The following DIO1 variants were observed in gnomAD, a reference collection of about 807,000 sequenced individuals.
DIO1 encodes iodothyronine deiodinase 1, also known as type I iodothyronine deiodinase.
Under a neutral mutation model 25.9 loss-of-function variants are expected in DIO1, and 17 were observed. The ratio of observed to expected loss-of-function variants is 0.66; its 90% CI spans 0.45 to 0.98. DIO1 has a LOEUF of 0.98. Among genes scored for constraint, DIO1 ranks in the 50% least tolerant of loss-of-function variants. The probability of loss-of-function intolerance (pLI) is 0.00; values close to 1 mark genes in which losing one functional copy is unlikely to be tolerated. For missense variants in DIO1, 270 were observed against 310.4 expected (o/e 0.87, Z 0.98); for synonymous variants, 115 against 114.0 (o/e 1.01, Z -0.05).
chr1:53,897,643 G>A (rs1237391159), intron 1 of DIO1, among the ~76,000 whole-genome samples: 2 of 152,098 alleles, frequency 1.3e-5, no homozygotes, highest in Non-Finnish European at 2.9e-5. Flanking sequence ...CTTGAACCCA[G>A]GAGTTCAAGA....
At chr1:53,898,500 T>C (rs1317114987) in intron 1 of DIO1, among the ~76,000 whole-genome samples, 2 of 152,038 alleles carry the variant, frequency 1.3e-5, no homozygotes, top group Non-Finnish European at 2.9e-5. Flanking sequence ...ATCCCAGCAC[T>C]TTGGGAGGCC....
intron 3 of DIO1, among the ~76,000 whole-genome samples, chr1:53,908,733 G>C (rs1651787277): frequency 1.3e-5 from 2 of 152,136 alleles, no homozygotes; most frequent in Non-Finnish European, 2.9e-5. Flanking sequence ...AGACCAAGGG[G>C]TTTGGTCTTC....
Position 53,910,679 on chromosome 1 carries a change from T to A in DIO1, c.*680T>A, listed in dbSNP as rs1651904453. Reference sequence around the variant, plus strand: ...CCAGGGAAGAGGAGAGTACTCACTTTACCATCTTTGAATATATTTCATAGA... The same window carrying A: ...CCAGGGAAGAGGAGAGTACTCACTTAACCATCTTTGAATATATTTCATAGA... On this transcript the variant is annotated 3_prime_UTR_variant, in exon 4 of 4. Coordinates refer to ENST00000361921, the MANE Select transcript of DIO1 (RefSeq NM_000792.7). The A allele has an allele frequency of 6.6e-6, 1 of 152,476 alleles. No individual in the cohort carries two copies. Among genetic ancestry groups the A allele is most frequent in the Non-Finnish European group, 1.5e-5 (1 of 68,266 alleles). The allele number at this position is 152,476 out of a possible 1,614,324, so 9.4% of individuals were successfully genotyped here. A position where few individuals can be genotyped will look rare whatever the true frequency, so the allele number is the denominator to read the frequency against.
chr1:53,902,823 G>A (rs1482347378), intron 1 of DIO1, among the ~76,000 whole-genome samples: 1 of 151,954 alleles, frequency 6.6e-6, no homozygotes, highest in Non-Finnish European at 1.5e-5. Flanking sequence ...ATGTTCTGCA[G>A]CAGCTGTCTT....
chr1:53,906,171 A>G lies in DIO1; in HGVS notation c.558A>G (p.Leu186=), dbSNP rs1184961222. 5 of 1,614,192 alleles carry G rather than the reference A, an allele frequency of 3.1e-6. No individual in the cohort carries two copies. The East Asian group carries it at 8.9e-5, about 29-fold the overall frequency. The change falls in exon 3 of 4, where the codon CTA becomes CTG. Residue 186 remains leucine, a synonymous_variant. Transcript: ENST00000361921. The stretch of plus-strand genomic sequence containing the variant: ...AGGATCGCCTGCAGGCAGCCCATCT[A>G]CTGCTGGCCAGGAGCCCCCAGTGCC... ...NLQDRLQAAH[L]LLARSPQCPV... is the part of the protein sequence containing the mutation.
In DIO1 at chr1:53,895,427, T is replaced by A. The variant is rs546571347; in HGVS notation, c.337+880T>A. Among the ~76,000 whole-genome samples, 28 of 152,032 alleles carry A rather than the reference T, an allele frequency of 1.8e-4. 1 individual carries two copies. Among genetic ancestry groups the A allele is most frequent in the African/African-American group, 6.5e-4 (27 of 41,440 alleles). ...AACAGAGTGAGACGCTGTCACAAAT[T>A]TAAAAAAGTCTCAGTTTTCTCTCTC... On this transcript the variant is annotated intron_variant, in intron 1 of 3. Coordinates refer to ENST00000361921, the MANE Select transcript of DIO1 (RefSeq NM_000792.7).
At chr1:53,905,029 G>A (rs1034737480) in intron 2 of DIO1, among the ~76,000 whole-genome samples, 3 of 152,192 alleles carry the variant, frequency 2.0e-5, no homozygotes, top group Non-Finnish European at 4.4e-5. Flanking sequence ...CACCTGGAGT[G>A]ACAGGGTCTG....
intron 2 of DIO1, 59 bp downstream of exon 2, chr1:53,904,868 TC>T (rs1557624584): frequency 1.3e-6 from 2 of 1,547,642 alleles, no homozygotes. Flanking sequence ...CTCTCCCTTT[TC>T]CCCAGGCCCC....
intron 1 of DIO1, among the ~76,000 whole-genome samples, chr1:53,902,136 G>T (rs1186187619): frequency 6.6e-6 from 1 of 151,690 alleles, no homozygotes; most frequent in East Asian, 1.9e-4. Flanking sequence ...CCTCCTTGGG[G>T]ACTCTGTGTG....
chr1:53,900,913 T>G (rs1028923434), intron 1 of DIO1, among the ~76,000 whole-genome samples: 1 of 149,302 alleles, frequency 6.7e-6, no homozygotes, highest in Admixed American at 6.7e-5. Context: ...CTCTTAGGCT[T>G]AATGGACGCT....
Position 53,909,911 on chromosome 1 carries a change from C to G in DIO1, c.682-20C>G. The G allele has an allele frequency of 6.2e-7, 1 of 1,613,652 alleles. No individual in the cohort carries two copies. Among genetic ancestry groups the G allele is most frequent in the Non-Finnish European group, 8.5e-7 (1 of 1,179,564 alleles). The stretch of plus-strand genomic sequence containing the variant: ...GGAAATCCTTACAAGTTGGGAATGC[C>G]TGATTCGTTTCTCTTGCAGGGTAAA... On this transcript the variant is annotated intron_variant, in intron 3 of 3. Transcript: ENST00000361921.
chr1:53,896,833 G>A (rs1303898839), intron 1 of DIO1, among the ~76,000 whole-genome samples: 1 of 152,216 alleles, frequency 6.6e-6, no homozygotes, highest in Non-Finnish European at 1.5e-5. Flanking sequence ...CTTGAAGAAT[G>A]AGTCAGATTT....
chr1:53,902,870 A>T (rs1369866863), intron 1 of DIO1, among the ~76,000 whole-genome samples: 1 of 151,882 alleles, frequency 6.6e-6, no homozygotes, highest in Non-Finnish European at 1.5e-5. Flanking sequence ...AGCACACCAG[A>T]GTTGTAAAGT....
At chr1:53,907,286 A>G (rs754047640) in intron 3 of DIO1, among the ~76,000 whole-genome samples, 2 of 152,148 alleles carry the variant, frequency 1.3e-5, no homozygotes, top group Non-Finnish European at 2.9e-5. Flanking sequence ...CTCTTTAGAC[A>G]CAGTTGGCTT....
chr1:53,904,946 A>T, intron 2 of DIO1, 137 bp downstream of exon 2: 1 of 914,306 alleles, frequency 1.1e-6, no homozygotes, highest in Non-Finnish European at 1.6e-6. Context: ...TTCACTGAGC[A>T]CCCACCACTC....
intron 1 of DIO1, among the ~76,000 whole-genome samples, chr1:53,900,977 G>T: frequency 8.3e-6 from 1 of 119,812 alleles, no homozygotes; most frequent in East Asian, 2.6e-4. Flanking sequence ...ACCAGGGCCA[G>T]CTAACTTTTT....
intron 1 of DIO1, among the ~76,000 whole-genome samples, chr1:53,898,334 G>C (rs1651183200): frequency 6.6e-6 from 1 of 152,174 alleles, no homozygotes; most frequent in African/African-American, 2.4e-5. Context: ...GCATCATCAG[G>C]AACCAGAGCT....
intron 3 of DIO1, 61 bp from the exon 4 acceptor site, chr1:53,909,870 A>G: frequency 6.5e-7 from 1 of 1,541,856 alleles, no homozygotes; most frequent in South Asian, 1.1e-5. Flanking sequence ...CCAGACCTAC[A>G]TGTTCCTTAC....
rs916841667 is a variant in DIO1 at position 53,894,982 on chromosome 1, G to A, written c.337+435G>A. ...TAAACTTTTCTTTATTACACCTGTC[G>A]CGGTTTGTAATTATGTACGGCTGGC... On this transcript the variant is annotated intron_variant, in intron 1 of 3. Coordinates refer to ENST00000361921, the MANE Select transcript of DIO1 (RefSeq NM_000792.7). The surrounding 1 kb of genome is among the most constrained non-coding windows in gnomAD (Gnocchi z 4.9). Among the ~76,000 whole-genome samples, 3 of 152,032 alleles carry A rather than the reference G, an allele frequency of 2.0e-5. No individual in the cohort carries two copies. Among genetic ancestry groups the A allele is most frequent in the African/African-American group, 4.8e-5 (2 of 41,376 alleles).
Sources: gnomAD v4.1 joint callset for allele counts (sites outside exome capture counted in the v4.1 genomes callset) on GRCh38, gnomAD v4.1.1 for gene constraint, Gnocchi (gnomAD v3.1) non-coding constraint, MANE v1.5 for transcripts, NCBI Gene and HGNC (gene_info 2026-07-23, HGNC 2026-07-21) for gene names.